KAZN: variants seen among roughly 807,000 people sequenced by gnomAD.
The protein encoded by KAZN is kazrin.
A neutral mutation model predicts 87.4 loss-of-function variants in KAZN; 40 were observed. The ratio of observed to expected loss-of-function variants is 0.46; its 90% CI spans 0.36 to 0.60. The LOEUF (loss-of-function observed/expected upper bound fraction) is 0.60. Ranked by LOEUF, KAZN falls within the 20% of genes least tolerant of loss-of-function variation. KAZN has a pLI of 0.00. For synonymous variants in KAZN, 466 were observed against 458.3 expected, an observed-to-expected ratio of 1.02 and a Z score of -0.22; for missense variants, 898 against 1,073.9, an observed-to-expected ratio of 0.84 and a Z score of 2.29.
At chr1:14,036,752 T>C (rs1641575991) in intron 1 of KAZN, among the ~76,000 whole-genome samples, 1 of 152,090 alleles carries the variant, frequency 6.6e-6, no homozygotes, top group African/African-American at 2.4e-5. Context: ...TGGTAATCTT[T>C]GGAGTCTATT....
chr1:14,855,161 C>T (rs374095109), intron 1 of KAZN, among the ~76,000 whole-genome samples: 18 of 152,234 alleles, frequency 1.2e-4, no homozygotes, highest in Middle Eastern at 3.4e-3. Context: ...GTTACCAGCC[C>T]GTTTCCAACC....
chr1:14,914,889 G>A (rs923793375), intron 1 of KAZN, among the ~76,000 whole-genome samples: 1 of 88,606 alleles, frequency 1.1e-5, no homozygotes, highest in Non-Finnish European at 2.8e-5. Context: ...TACTTCTGGG[G>A]ATGAAAATGA....
At chr1:14,034,957 C>T (rs549349176) in intron 1 of KAZN, among the ~76,000 whole-genome samples, 1 of 152,300 alleles carries the variant, frequency 6.6e-6, no homozygotes, top group Admixed American at 6.5e-5. Context: ...AGATTCTGCG[C>T]TCCCAGCCTG....
At chr1:13,990,810 C>T (rs1054955395) in intron 1 of KAZN, among the ~76,000 whole-genome samples, 2 of 152,072 alleles carry the variant, frequency 1.3e-5, no homozygotes, top group Non-Finnish European at 1.5e-5. Flanking sequence ...AATATACCTG[C>T]GATAAAGCAA....
Position 15,108,181 on chromosome 1 carries a change from C to A in KAZN, c.2048+3992C>A, listed in dbSNP as rs140600326. ...CCCACCTCCTCGGCTGACAGGCTTCCCAAGACATTGGCAATGGAAAACATT... is the reference window on the plus strand; with the variant it reads ...CCCACCTCCTCGGCTGACAGGCTTCACAAGACATTGGCAATGGAAAACATT... On this transcript the variant is annotated intron_variant, in intron 13 of 14. Transcript: ENST00000376030. 2.6e-5 allele frequency among the ~76,000 whole-genome samples: 4 copies of A among 152,292 alleles called. No homozygotes were observed. The East Asian group carries it at 7.7e-4, about 29-fold the overall frequency.
chr1:14,998,050 G>A (rs956826114), intron 2 of KAZN, among the ~76,000 whole-genome samples: 8 of 152,070 alleles, frequency 5.3e-5, no homozygotes, highest in African/African-American at 1.9e-4. Context: ...AGGCAGGCAG[G>A]AAGTCGAACT....
At chr1:14,495,852 T>G (rs578067583) in intron 2 of KAZN, among the ~76,000 whole-genome samples, 1 of 152,272 alleles carries the variant, frequency 6.6e-6, no homozygotes, top group East Asian at 1.9e-4. Flanking sequence ...ATTATAACAT[T>G]GGAAGGAAAG....
At chr1:14,726,162 C>T (rs946745580) in intron 1 of KAZN, among the ~76,000 whole-genome samples, 17 of 152,302 alleles carry the variant, frequency 1.1e-4, no homozygotes, top group African/African-American at 4.1e-4. Flanking sequence ...GAAAGGCCAC[C>T]AACAGGGATT....
At chr1:14,387,689 G>T (rs1028895044) in intron 2 of KAZN, among the ~76,000 whole-genome samples, 1 of 151,856 alleles carries the variant, frequency 6.6e-6, no homozygotes, top group Admixed American at 6.6e-5. Flanking sequence ...CTCCAGCTGC[G>T]TGCTGGGAGA....
intron 2 of KAZN, among the ~76,000 whole-genome samples, chr1:14,333,788 CAG>C (rs1183770016): frequency 2.6e-5 from 4 of 151,944 alleles, no homozygotes; most frequent in African/African-American, 9.7e-5. Flanking sequence ...GGGATTTGAA[CAG>C]AGATTTGAAG....
rs1669043539 is a variant in KAZN at position 15,006,750 on chromosome 1, C to A, written c.419-27999C>A. On this transcript the variant is annotated intron_variant, in intron 2 of 14. Coordinates refer to ENST00000376030, the MANE Select transcript of KAZN (RefSeq NM_201628.3). ...GAAGGGTGGGATGCGCCAAGGATTG[C>A]CATTTTAGAAAGTTCCAGGGAAGGG... Among the ~76,000 whole-genome samples the A allele has an allele frequency of 3.3e-5, 5 of 152,254 alleles. 1 individual carries two copies. The South Asian group carries it at 1.0e-3, about 32-fold the overall frequency.
intron 2 of KAZN, among the ~76,000 whole-genome samples, chr1:14,574,376 C>T (rs142706236): frequency 6.6e-6 from 1 of 152,254 alleles, no homozygotes; most frequent in African/African-American, 2.4e-5. Context: ...AATTGTAGCT[C>T]CCATAATTCC....
chr1:14,575,466 T>C (rs184656432), intron 2 of KAZN, among the ~76,000 whole-genome samples: 14 of 152,164 alleles, frequency 9.2e-5, no homozygotes, highest in African/African-American at 2.9e-4. Flanking sequence ...GAGAACAGTA[T>C]GGGGGAAACC....
chr1:14,741,803 G>A (rs1389565630), intron 1 of KAZN, among the ~76,000 whole-genome samples: 3 of 152,162 alleles, frequency 2.0e-5, no homozygotes, highest in Admixed American at 6.5e-5. Flanking sequence ...AGCAAACTCT[G>A]ATAAAATTCC....
chr1:14,517,297 TAC>T (rs1244093335), intron 2 of KAZN, among the ~76,000 whole-genome samples: 1 of 152,050 alleles, frequency 6.6e-6, no homozygotes, highest in African/African-American at 2.4e-5. Context: ...GTGATCATCT[TAC>T]CACCAAGAGG....
At chr1:14,283,469 G>C (rs1653003542) in intron 2 of KAZN, among the ~76,000 whole-genome samples, 1 of 152,128 alleles carries the variant, frequency 6.6e-6, no homozygotes, top group South Asian at 2.1e-4. Context: ...AATTCAAAGA[G>C]CCAATAAATG....
At chr1:14,483,815 C>T (rs1669205814) in intron 2 of KAZN, among the ~76,000 whole-genome samples, 1 of 152,118 alleles carries the variant, frequency 6.6e-6, no homozygotes, top group Non-Finnish European at 1.5e-5. Context: ...TTTTTGGGGT[C>T]ATAGATCAAA....
At chr1:14,899,196 G>T (rs572110138) in intron 1 of KAZN, among the ~76,000 whole-genome samples, 1 of 152,170 alleles carries the variant, frequency 6.6e-6, no homozygotes, top group Non-Finnish European at 1.5e-5. Context: ...GGAATGTTCC[G>T]CTAAGTCAAG....
intron 1 of KAZN, among the ~76,000 whole-genome samples, chr1:14,719,012 C>CA (rs1348281290): frequency 6.6e-6 from 1 of 152,142 alleles, no homozygotes; most frequent in Non-Finnish European, 1.5e-5. Flanking sequence ...TCTAAGGGTG[C>CA]AGGCTTGGTT....
Sources: allele counts gnomAD v4.1 joint callset (sites outside exome capture counted in the v4.1 genomes callset), GRCh38; gene constraint gnomAD v4.1.1; transcripts MANE v1.5; gene names NCBI Gene and HGNC (gene_info 2026-07-23, HGNC 2026-07-21).